The following EPM2A variants were observed in gnomAD, a reference collection of about 807,000 sequenced individuals.
The protein encoded by EPM2A is laforin.
In EPM2A, 21 loss-of-function variants were observed where a neutral mutation model predicts 26.5. The ratio of observed to expected loss-of-function variants is 0.79; its 90% CI spans 0.56 to 1.14. The LOEUF is 1.14. Ranked by LOEUF, EPM2A falls within the 50% of genes most tolerant of loss-of-function variation. EPM2A has a pLI of 0.00. For synonymous variants in EPM2A, 217 were observed against 177.6 expected (o/e 1.22, Z -1.76); for missense variants, 458 against 440.8 (o/e 1.04, Z -0.35).
At chr6:145,594,323 T>G (rs917113734) in intron 2 of EPM2A, among the ~76,000 whole-genome samples, 3 of 151,920 alleles carry the variant, frequency 2.0e-5, no homozygotes, top group East Asian at 1.9e-4. Flanking sequence ...CATTTCTTAT[T>G]GAAAGAATTG....
At chr6:145,670,814 T>C in intron 2 of EPM2A, 1 of 630,860 alleles carries the variant, frequency 1.6e-6, no homozygotes, top group Non-Finnish European at 2.0e-6. Context: ...TATCTAGCAA[T>C]TAATTTGACC....
At chr6:145,732,316 A>G (rs1583146857) in intron 1 of EPM2A, among the ~76,000 whole-genome samples, 1 of 151,828 alleles carries the variant, frequency 6.6e-6, no homozygotes, top group South Asian at 2.1e-4. Context: ...AACTTCCTGC[A>G]TAATAGGATT....
intron 2 of EPM2A, among the ~76,000 whole-genome samples, chr6:145,616,878 G>A (rs1167830087): frequency 1.3e-5 from 2 of 152,186 alleles, no homozygotes; most frequent in African/African-American, 4.8e-5. Flanking sequence ...TTGTATCTAG[G>A]AAGTAACTTG....
chr6:145,502,473 C>G (rs1415620839), intron 3 of EPM2A: 1 of 467,450 alleles, frequency 2.1e-6, no homozygotes, highest in South Asian at 1.6e-5. Flanking sequence ...GAAGAGATGA[C>G]AGCCAGCTGA....
intron 2 of EPM2A, among the ~76,000 whole-genome samples, chr6:145,615,296 C>T (rs1024475388): frequency 1.3e-5 from 2 of 152,146 alleles, no homozygotes; most frequent in Admixed American, 6.5e-5. Context: ...GGGATTTTCT[C>T]TCCATAAACC....
rs1209950876 is a variant in EPM2A at position 145,696,772 on chromosome 6, GGTATGTGTGTGT to G, written c.302-10488_302-10477del. On this transcript the variant is annotated intron_variant, in intron 1 of 3. Coordinates refer to ENST00000367519, the MANE Select transcript of EPM2A (RefSeq NM_005670.4). ...GAATCAAACATCTGGCACAGGTAGGGGTATGTGTGTGTGTGTGTGTGTGTGTGTGTGTGTGTG... is the reference window on the plus strand; with the variant it reads ...GAATCAAACATCTGGCACAGGTAGGGGTGTGTGTGTGTGTGTGTGTGTGTG... Among the ~76,000 whole-genome samples the G allele has an allele frequency of 3.6e-3, 396 of 110,798 alleles. 7 individuals carry two copies. The highest frequency in any genetic ancestry group is 0.013 in the African/African-American group (378 of 28,572). 72.7% of individuals were successfully genotyped at this position (110,798 alleles called of 152,430 possible). A position where few individuals can be genotyped will look rare whatever the true frequency, so the allele number is the denominator to read the frequency against.
At chr6:145,717,372 G>T (rs1470353675) in intron 1 of EPM2A, among the ~76,000 whole-genome samples, 2 of 152,126 alleles carry the variant, frequency 1.3e-5, no homozygotes, top group Non-Finnish European at 2.9e-5. Flanking sequence ...AAAACCACAT[G>T]ATTATCTCAA....
chr6:145,509,895 A>G (rs1214714142), intron 2 of EPM2A, among the ~76,000 whole-genome samples: 1 of 152,176 alleles, frequency 6.6e-6, no homozygotes, highest in Non-Finnish European at 1.5e-5. Context: ...AGAAAGGTCT[A>G]TCATTCAAAT....
chr6:145,673,942 G>C (rs1779835692), intron 2 of EPM2A, among the ~76,000 whole-genome samples: 1 of 152,296 alleles, frequency 6.6e-6, no homozygotes, highest in East Asian at 1.9e-4. Flanking sequence ...CCCAGCAGTG[G>C]TTCTCCCAGC....
chr6:145,466,150 A>C (rs1004013919), intron 4 of EPM2A, among the ~76,000 whole-genome samples: 4 of 144,382 alleles, frequency 2.8e-5, no homozygotes, highest in Non-Finnish European at 6.0e-5. Flanking sequence ...GATCTAATTA[A>C]ACTCAAGAGC....
intron 1 of EPM2A, among the ~76,000 whole-genome samples, chr6:145,707,554 G>A (rs1052533461): frequency 2.0e-5 from 3 of 152,094 alleles, no homozygotes; most frequent in East Asian, 1.9e-4. Flanking sequence ...TGCTATTTTC[G>A]TGATAGTGAA....
chr6:145,498,434 G>A (rs550389442), downstream of EPM2A, among the ~76,000 whole-genome samples: 3 of 152,182 alleles, frequency 2.0e-5, no homozygotes, highest in Non-Finnish European at 4.4e-5. Flanking sequence ...TAAAGCTCCT[G>A]AGACTCTGTG....
intron 4 of EPM2A, among the ~76,000 whole-genome samples, chr6:145,423,731 TG>T (rs1468985617): frequency 2.0e-5 from 3 of 152,112 alleles, no homozygotes; most frequent in Non-Finnish European, 2.9e-5. Flanking sequence ...AGATCTGAGT[TG>T]GGGGGTAATC....
chr6:145,626,487 T>C lies in EPM2A; in HGVS notation c.*929A>G. On this transcript the variant is annotated 3_prime_UTR_variant, in exon 4 of 4. Coordinates refer to ENST00000367519, the MANE Select transcript of EPM2A (RefSeq NM_005670.4). ...AATACAACTAATTTCCTAGATTCTT[T>C]GGCAACTGATCAGAATACTATTCTA... 1 of 985,910 alleles carries C rather than the reference T, an allele frequency of 1.0e-6. No homozygotes were observed. The highest frequency in any genetic ancestry group is 1.2e-6 in the Non-Finnish European group (1 of 829,958). 61.1% of individuals were successfully genotyped at this position (985,910 alleles called of 1,614,324 possible).
chr6:145,733,932 GTCTACAAC>G (rs1776653110), intron 1 of EPM2A, among the ~76,000 whole-genome samples: 1 of 151,738 alleles, frequency 6.6e-6, no homozygotes, highest in African/African-American at 2.4e-5. Context: ...ACCCACTCCA[GTCTACAAC>G]CTTGCACATT....
intron 2 of EPM2A, among the ~76,000 whole-genome samples, chr6:145,567,678 C>A (rs774229137): frequency 1.3e-5 from 2 of 152,160 alleles, no homozygotes; most frequent in African/African-American, 4.8e-5. Context: ...AAACTCTTTC[C>A]CCAACCAAGC....
intron 4 of EPM2A, among the ~76,000 whole-genome samples, chr6:145,492,862 G>A (rs1022882948): frequency 1.3e-5 from 2 of 152,172 alleles, no homozygotes; most frequent in African/African-American, 2.4e-5. Flanking sequence ...TTGGGGGCAG[G>A]GCAGGCCATG....
intron 4 of EPM2A, among the ~76,000 whole-genome samples, chr6:145,399,528 T>A (rs1366806703): frequency 6.6e-6 from 1 of 152,160 alleles, no homozygotes; most frequent in Non-Finnish European, 1.5e-5. Flanking sequence ...GTTATGGGAT[T>A]TATGCGAACA....
intron 2 of EPM2A, among the ~76,000 whole-genome samples, chr6:145,679,905 T>C (rs986055278): frequency 3.9e-5 from 6 of 152,082 alleles, no homozygotes; most frequent in Admixed American, 2.0e-4. Context: ...ACACGTGGAA[T>C]ACTGATCTCA....
Sources: allele counts gnomAD v4.1 joint callset (sites outside exome capture counted in the v4.1 genomes callset), GRCh38; gene constraint gnomAD v4.1.1; transcripts MANE v1.5; gene names NCBI Gene and HGNC (gene_info 2026-07-23, HGNC 2026-07-21).